CTNNA2: variants seen among roughly 807,000 people sequenced by gnomAD.
CTNNA2 encodes catenin alpha 2.
In CTNNA2, 42 loss-of-function variants were observed where a neutral mutation model predicts 101.0. The observed-to-expected ratio is 0.42, with a 90% CI of 0.32 to 0.54. The LOEUF is 0.54. CTNNA2 is among the 20% of genes least tolerant of loss of function. CTNNA2 has a pLI of 0.14. For synonymous variants in CTNNA2, 450 were observed against 456.4 expected, an observed-to-expected ratio of 0.99 and a Z score of 0.18; for missense variants, 871 against 1,223.1, an observed-to-expected ratio of 0.71 and a Z score of 4.29.
At position 79,776,472 on chromosome 2, in the gene CTNNA2, C is replaced by T. The variant is rs554025693; in HGVS notation, c.298+31890C>T. Among the ~76,000 whole-genome samples the T allele has an allele frequency of 2.6e-5, 4 of 152,070 alleles. 1 individual carries two copies. The highest frequency in any genetic ancestry group is 4.8e-5 in the African/African-American group (2 of 41,470). ...TAAGGTAAATCAATTGCATATGAGT[C>T]GGGAAGAAAAACCACTGTATAAATC... is the stretch of plus-strand genomic sequence containing the variant. On this transcript the variant is annotated intron_variant, in intron 3 of 18. Coordinates refer to ENST00000402739, the MANE Select transcript of CTNNA2 (RefSeq NM_001282597.3).
chr2:80,018,156 C>T (rs1282155848), intron 7 of CTNNA2, among the ~76,000 whole-genome samples: 1 of 152,086 alleles, frequency 6.6e-6, no homozygotes, highest in Non-Finnish European at 1.5e-5. Context: ...AGAAAGATGT[C>T]CTAGCTCTGT....
chr2:79,196,911 G>C (rs752937717), intron 1 of CTNNA2, among the ~76,000 whole-genome samples: 5 of 152,128 alleles, frequency 3.3e-5, no homozygotes. Context: ...CATCTCTCAT[G>C]GTTCTGATTT....
rs181930570 is a variant in CTNNA2, at chr2:80,597,440, A to C, written c.2190-6634A>C. Among the ~76,000 whole-genome samples the C allele has an allele frequency of 5.3e-5, 8 of 152,330 alleles. No individual in the cohort carries two copies. The East Asian group carries it at 1.5e-3, about 29-fold the overall frequency. ...CAAAGACTTCATGACTAAAACACCA[A>C]AAGCAATTGTAACAAAAACCAAAAT... On this transcript the variant is annotated intron_variant, in intron 15 of 18. Coordinates refer to ENST00000402739, the MANE Select transcript of CTNNA2 (RefSeq NM_001282597.3).
At chr2:80,605,088 G>C (rs1299446721) in intron 16 of CTNNA2, 58 of 152,078 alleles carry the variant, frequency 3.8e-4, no homozygotes, top group Admixed American at 3.7e-3. Flanking sequence ...AAGCATCAGA[G>C]ATAAATGAAA....
intron 7 of CTNNA2, among the ~76,000 whole-genome samples, chr2:80,139,210 A>T (rs1037973510): frequency 6.6e-6 from 1 of 152,086 alleles, no homozygotes; most frequent in Non-Finnish European, 1.5e-5. Context: ...ATTAAATGCA[A>T]TTATCTCCCA....
chr2:80,031,955 C>T (rs539458926), intron 7 of CTNNA2, among the ~76,000 whole-genome samples: 28 of 152,214 alleles, frequency 1.8e-4, no homozygotes, highest in African/African-American at 5.3e-4. Flanking sequence ...TTTTAAATGT[C>T]GAAAATAATT....
At chr2:80,215,274 G>A (rs1199069855) in intron 7 of CTNNA2, among the ~76,000 whole-genome samples, 3 of 152,142 alleles carry the variant, frequency 2.0e-5, no homozygotes, top group Non-Finnish European at 4.4e-5. Context: ...GCTCGTCAAA[G>A]TCATTCTTTA....
Position 79,528,006 on chromosome 2 carries a change from C to T in CTNNA2, c.-6+14799C>T, listed in dbSNP as rs187578339. On this transcript the variant is annotated intron_variant, in intron 1 of 18. Transcript: ENST00000402739. ...ATAAATAGGAAAAAGTACTGATACA[C>T]GTGAAACGTGGATATCCTTGAAGAC... Among the ~76,000 whole-genome samples the T allele has an allele frequency of 2.9e-3, 444 of 152,240 alleles. 2 individuals carry two copies. Among genetic ancestry groups the T allele is most frequent in the African/African-American group, 0.01 (428 of 41,552 alleles).
At chr2:79,631,086 A>G (rs533989061) in intron 1 of CTNNA2, among the ~76,000 whole-genome samples, 2 of 148,418 alleles carry the variant, frequency 1.3e-5, no homozygotes, top group Non-Finnish European at 3.0e-5. Context: ...TGTTGCATTT[A>G]TTTTATCAGG....
chr2:79,486,141 G>T (rs1334776631), intron 4 of CTNNA2, among the ~76,000 whole-genome samples: 1 of 152,024 alleles, frequency 6.6e-6, no homozygotes, highest in Non-Finnish European at 1.5e-5. Flanking sequence ...TGTTATATAT[G>T]TATACATGTG....
chr2:79,478,630 A>G (rs1333090678), intron 4 of CTNNA2, among the ~76,000 whole-genome samples: 4 of 152,188 alleles, frequency 2.6e-5, no homozygotes, highest in African/African-American at 7.2e-5. Context: ...AAATATTTAT[A>G]CTTGGCTGGC....
intron 7 of CTNNA2, among the ~76,000 whole-genome samples, chr2:80,248,605 A>G (rs1671524255): frequency 6.6e-6 from 1 of 152,078 alleles, no homozygotes. Flanking sequence ...TCTTCCAACC[A>G]CTGTGCTGCT....
chr2:80,440,916 A>G (rs1355795125), intron 9 of CTNNA2, among the ~76,000 whole-genome samples: 2 of 152,160 alleles, frequency 1.3e-5, no homozygotes, highest in East Asian at 3.9e-4. Flanking sequence ...TTCCATTGAG[A>G]GTCCCAGGGT....
chr2:80,551,169 T>G (rs1018210319), intron 11 of CTNNA2, among the ~76,000 whole-genome samples: 3 of 152,166 alleles, frequency 2.0e-5, no homozygotes, highest in African/African-American at 7.2e-5. Flanking sequence ...AAGAATTATT[T>G]TTATTCTGAA....
At chr2:80,328,276 ACTC>A (rs1186821823) in intron 7 of CTNNA2, 9 of 470,816 alleles carry the variant, frequency 1.9e-5, no homozygotes, top group African/African-American at 1.8e-4. Context: ...GCCGATAACA[ACTC>A]CTTCTTTGCT....
intron 1 of CTNNA2, among the ~76,000 whole-genome samples, chr2:79,187,232 TTC>T (rs1169037968): frequency 6.7e-6 from 1 of 148,282 alleles, no homozygotes; most frequent in African/African-American, 2.5e-5. Context: ...TCTAAGACAC[TTC>T]TTTTTCTTTT....
chr2:79,368,823 C>A lies in CTNNA2; in HGVS notation c.-317-5008C>A, dbSNP rs886728125. ...GAAATTAAAGCTTTTTATCCAGTCA[C>A]TTGTGTCCCTGGGTATCACACTTTA... On this transcript the variant is annotated intron_variant, in intron 3 of 21. Transcript: ENST00000466387. Among the ~76,000 whole-genome samples the A allele has an allele frequency of 3.9e-5, 6 of 152,308 alleles. No individual in the cohort carries two copies. The East Asian group carries it at 1.2e-3, about 29-fold the overall frequency.
intron 7 of CTNNA2, among the ~76,000 whole-genome samples, chr2:80,333,355 T>C (rs919646688): frequency 6.6e-6 from 1 of 152,154 alleles, no homozygotes; most frequent in African/African-American, 2.4e-5. Flanking sequence ...TTGGGCTTTG[T>C]GGGTGATTGA....
At chr2:80,419,089 A>T (rs145190039) in intron 8 of CTNNA2, among the ~76,000 whole-genome samples, 42 of 152,270 alleles carry the variant, frequency 2.8e-4, no homozygotes, top group African/African-American at 9.6e-4. Flanking sequence ...TTGTTGGTTG[A>T]TGCCTAGATT....
Sources: gnomAD v4.1 joint callset for allele counts (sites outside exome capture counted in the v4.1 genomes callset) on GRCh38, gnomAD v4.1.1 for gene constraint, MANE v1.5 for transcripts, NCBI Gene and HGNC (gene_info 2026-07-23, HGNC 2026-07-21) for gene names.